Variants in RYR3 observed in about 807,000 individuals in gnomAD.
RYR3 encodes the protein ryanodine receptor 3, also known as brain ryanodine receptor-calcium release channel.
RYR3 carries 207 observed loss-of-function variants against 584.3 expected under a neutral mutation model. The ratio of observed to expected loss-of-function variants is 0.35; its 90% CI spans 0.32 to 0.40. The LOEUF is 0.40. Ranked by LOEUF, RYR3 falls within the 10% of genes least tolerant of loss-of-function variation. The pLI is 1.00. For missense variants in RYR3, 5,616 were observed against 6,089.2 expected (o/e 0.92, Z 2.59); for synonymous variants, 2,416 against 2,248.5 (o/e 1.07, Z -2.11).
intron 7 of RYR3, among the ~76,000 whole-genome samples, chr15:33,541,924 TC>T (rs1184930140): frequency 3.3e-5 from 5 of 152,272 alleles, no homozygotes; most frequent in African/African-American, 9.6e-5. Context: ...TGGGTTTAAG[TC>T]TTTCTCAAGA....
intron 63 of RYR3, among the ~76,000 whole-genome samples, chr15:33,772,776 T>G (rs1265219135): frequency 6.6e-6 from 1 of 152,240 alleles, no homozygotes; most frequent in Non-Finnish European, 1.5e-5. Context: ...TTTCATATCC[T>G]TGAACAACTG....
intron 21 of RYR3, among the ~76,000 whole-genome samples, chr15:33,629,594 G>T (rs747090456): frequency 6.6e-6 from 1 of 152,184 alleles, no homozygotes; most frequent in Non-Finnish European, 1.5e-5. Flanking sequence ...TCTGTAGCCT[G>T]TCCTATGCTG....
At chr15:33,414,590 C>G (rs1291214919) in intron 1 of RYR3, among the ~76,000 whole-genome samples, 1 of 152,128 alleles carries the variant, frequency 6.6e-6, no homozygotes, top group African/African-American at 2.4e-5. Context: ...TGAGAGGCAC[C>G]TTGAAGTTTG....
chr15:33,854,880 A>G lies in RYR3; in HGVS notation c.13975A>G (p.Ile4659Val). 1 of 1,612,874 alleles carries G rather than the reference A, an allele frequency of 6.2e-7. No individual in the cohort carries two copies. The highest frequency in any genetic ancestry group is 8.5e-7 in the Non-Finnish European group (1 of 1,179,584). Residue 4659 changes from isoleucine (I) to valine (V), a missense_variant, in exon 98 of 104, where the codon ATT (isoleucine) becomes GTT (valine). Around this residue, in one of 9 missense-constraint regions of RYR3, gnomAD observed 918 missense variants for 887.4 expected, o/e 1.03. Transcript: ENST00000634891. ...IAMGFKTLRT[I>V]LSSVTHNGKQ... ...AATGGGCTTCAAGACACTGAGGACC[A>G]TTCTGTCATCTGTAACTCACAATGG...
At chr15:33,724,272 T>C in intron 45 of RYR3, 96 bp downstream of exon 45, 1 of 690,774 alleles carries the variant, frequency 1.4e-6, no homozygotes, top group Non-Finnish European at 2.4e-6. Flanking sequence ...TCTCTGGCAT[T>C]TGCTAACATG....
intron 43 of RYR3, among the ~76,000 whole-genome samples, chr15:33,720,744 T>A (rs1279266605): frequency 1.3e-5 from 2 of 152,128 alleles, no homozygotes; most frequent in Non-Finnish European, 2.9e-5. Flanking sequence ...TGTGGTAGCA[T>A]GTGCCTGTAG....
intron 18 of RYR3, among the ~76,000 whole-genome samples, chr15:33,603,814 T>G (rs994795846): frequency 1.3e-5 from 2 of 152,168 alleles, no homozygotes; most frequent in African/African-American, 4.8e-5. Flanking sequence ...CTAGGAAGGA[T>G]CCAGACCTGA....
Position 33,546,667 on chromosome 15 carries a change from C to A in RYR3, c.741-1463C>A, listed in dbSNP as rs1315899698. 2.0e-5 allele frequency among the ~76,000 whole-genome samples: 3 copies of A among 151,928 alleles called. No individual in the cohort carries two copies. In the South Asian group the frequency reaches 6.2e-4, roughly 32 times the overall value. On this transcript the variant is annotated intron_variant, in intron 8 of 103. Coordinates refer to ENST00000634891, the MANE Select transcript of RYR3 (RefSeq NM_001036.6). ...TTTCACAACATTGTTTTATAAGTAC[C>A]CTTATTAGAAAGCAAACTGAGACAC...
At chr15:33,630,475 A>G (rs1029888746) in intron 22 of RYR3, among the ~76,000 whole-genome samples, 2 of 152,198 alleles carry the variant, frequency 1.3e-5, no homozygotes, top group African/African-American at 2.4e-5. Flanking sequence ...CTAAATTGTT[A>G]TCTCCCATTT....
intron 12 of RYR3, among the ~76,000 whole-genome samples, chr15:33,569,325 G>A (rs112070980): frequency 3.3e-5 from 5 of 152,150 alleles, no homozygotes; most frequent in African/African-American, 9.6e-5. Flanking sequence ...TTTAGTTTCA[G>A]TGTCATCACT....
chr15:33,435,417 T>G (rs2045595580), intron 1 of RYR3, among the ~76,000 whole-genome samples: 1 of 152,220 alleles, frequency 6.6e-6, no homozygotes, highest in Non-Finnish European at 1.5e-5. Flanking sequence ...ACATTTATCA[T>G]TATGCTTTTT....
At chr15:33,615,817 G>A (rs10519838) in intron 19 of RYR3, among the ~76,000 whole-genome samples, 10,541 of 152,234 alleles carry the variant, frequency 0.069, 1,226 homozygotes, top group African/African-American at 0.24. Flanking sequence ...GAGAGGCGCT[G>A]TAAGCACAGA....
Position 33,455,344 on chromosome 15 carries a change from A to G in RYR3, c.52-18075A>G, listed in dbSNP as rs554958244. 3.1e-3 allele frequency among the ~76,000 whole-genome samples: 472 copies of G among 152,222 alleles called. 2 individuals are homozygous for G. The highest frequency in any genetic ancestry group is 0.011 in the African/African-American group (456 of 41,522). On this transcript the variant is annotated intron_variant, in intron 1 of 103. Transcript: ENST00000634891. ...AGGTCAGATAAGATGTTTAGGAGTT[A>G]TAAATAAAGAGATTTGAGTTAATCG...
intron 1 of RYR3, among the ~76,000 whole-genome samples, chr15:33,400,418 A>G (rs1221174234): frequency 6.6e-6 from 1 of 152,210 alleles, no homozygotes; most frequent in South Asian, 2.1e-4. Context: ...TTTCCTTTAA[A>G]GCCCGTTCCT....
chr15:33,524,021 C>T (rs761882975), intron 3 of RYR3, among the ~76,000 whole-genome samples: 18 of 152,124 alleles, frequency 1.2e-4, no homozygotes, highest in Admixed American at 2.0e-4. Context: ...GCAAAGTAAT[C>T]GTACCCACAA....
intron 18 of RYR3, among the ~76,000 whole-genome samples, chr15:33,603,984 C>T (rs1405819547): frequency 6.6e-6 from 1 of 152,190 alleles, no homozygotes; most frequent in Non-Finnish European, 1.5e-5. Context: ...CAAGCATGTC[C>T]ATGGCCCGTG....
intron 80 of RYR3, among the ~76,000 whole-genome samples, 184 bp from the exon 81 acceptor site, chr15:33,822,812 T>A (rs376390991): frequency 2.9e-4 from 44 of 152,368 alleles, no homozygotes; most frequent in African/African-American, 9.9e-4. Flanking sequence ...GAATGTCAAT[T>A]CTGCCCTAGA....
intron 1 of RYR3, among the ~76,000 whole-genome samples, chr15:33,377,457 C>T (rs1354115339): frequency 6.6e-6 from 1 of 152,208 alleles, no homozygotes. Context: ...GTCCAGTACT[C>T]AGTTATATGA....
chr15:33,829,614 A>G (rs1387451388), intron 85 of RYR3, among the ~76,000 whole-genome samples: 1 of 151,952 alleles, frequency 6.6e-6, no homozygotes, highest in Non-Finnish European at 1.5e-5. Context: ...TTAGCCGGGC[A>G]TGGTGGCGGG....
Sources: allele counts gnomAD v4.1 joint callset (sites outside exome capture counted in the v4.1 genomes callset), GRCh38; gene constraint gnomAD v4.1.1; regional missense constraint gnomAD v4.1.1; transcripts MANE v1.5; gene names NCBI Gene and HGNC (gene_info 2026-07-23, HGNC 2026-07-21).